ZGRF1: variants seen among roughly 807,000 people sequenced by gnomAD.
The protein encoded by ZGRF1 is zinc finger GRF-type containing 1, also known as 5'-3' DNA helicase ZGRF1.
A neutral mutation model predicts 203.5 loss-of-function variants in ZGRF1; 196 were observed. The observed-to-expected ratio is 0.96, with a 90% CI of 0.86 to 1.08. ZGRF1 has a LOEUF of 1.08. ZGRF1 is among the 50% of genes least tolerant of loss of function. The pLI is 0.00. For missense variants in ZGRF1, 2,326 were observed against 2,416.3 expected, an observed-to-expected ratio of 0.96 and a Z score of 0.78; for synonymous variants, 809 against 841.3, an observed-to-expected ratio of 0.96 and a Z score of 0.66.
At chr4:112,631,671 C>T (rs933407225) in intron 3 of ZGRF1, among the ~76,000 whole-genome samples, 8 of 150,990 alleles carry the variant, frequency 5.3e-5, no homozygotes, top group Non-Finnish European at 7.4e-5. Flanking sequence ...GACTCTGTCT[C>T]AAAAAAAATA....
At chr4:112,571,638 G>T (rs1744231861) in intron 16 of ZGRF1, among the ~76,000 whole-genome samples, 1 of 151,822 alleles carries the variant, frequency 6.6e-6, no homozygotes, top group African/African-American at 2.4e-5. Context: ...TCCTGTCTTG[G>T]CCTCCCAAAG....
intron 16 of ZGRF1, among the ~76,000 whole-genome samples, chr4:112,564,181 A>G (rs1241053861): frequency 6.6e-6 from 1 of 152,248 alleles, no homozygotes; most frequent in African/African-American, 2.4e-5. Flanking sequence ...AGTTCTAGCA[A>G]GCTGAGAAAT....
chr4:112,632,184 A>G (rs2047433252), intron 2 of ZGRF1, among the ~76,000 whole-genome samples, 174 bp from the exon 3 acceptor site: 2 of 152,282 alleles, frequency 1.3e-5, no homozygotes, highest in South Asian at 4.1e-4. Flanking sequence ...ATAGCATGAC[A>G]ATAACATTAA....
intron 9 of ZGRF1, among the ~76,000 whole-genome samples, chr4:112,604,317 A>G (rs1399082251): frequency 3.9e-5 from 6 of 152,172 alleles, no homozygotes; most frequent in Admixed American, 3.9e-4. Context: ...TAATAATAAT[A>G]GCTAATTAAA....
rs202111626 is a variant in ZGRF1, at chr4:112,587,562, C to G, written c.3495G>C (p.Lys1165Asn). 4.5e-4 allele frequency: 720 copies of G among 1,613,866 alleles called. 1 individual carries two copies. The African/African-American group carries it at 8.4e-3, about 19-fold the overall frequency. ...CAGCAAAGAAGCCATCAGTTATTCT[C>G]TTATCAACTCTGTTTGGAGTAGCCA... ...CNVATPNRVD[K>N]RITDGFFAEA... is the part of the protein sequence containing the mutation. The change falls in exon 12 of 28, where the codon AAG becomes AAC. Residue 1165 changes from lysine (K) to asparagine (N), a missense_variant. Transcript: ENST00000505019.
intron 1 of ZGRF1, among the ~76,000 whole-genome samples, chr4:112,635,325 T>G (rs1408972990): frequency 1.6e-4 from 24 of 152,086 alleles, no homozygotes; most frequent in Non-Finnish European, 1.5e-5. Flanking sequence ...CAATTATTAA[T>G]ATCAGATCTG....
At chr4:112,605,146 C>G (rs1212981498) in intron 9 of ZGRF1, among the ~76,000 whole-genome samples, 1 of 151,492 alleles carries the variant, frequency 6.6e-6, no homozygotes, top group Non-Finnish European at 1.5e-5. Flanking sequence ...CACAAGGAAA[C>G]AGGTACATTA....
intron 3 of ZGRF1, among the ~76,000 whole-genome samples, chr4:112,626,715 G>A (rs1045547404): frequency 1.1e-4 from 17 of 152,242 alleles, no homozygotes; most frequent in African/African-American, 4.1e-4. Context: ...ATCTATACTA[G>A]TAGTCAGGAA....
At chr4:112,625,751 C>T (rs2047220419) in intron 3 of ZGRF1, among the ~76,000 whole-genome samples, 1 of 151,656 alleles carries the variant, frequency 6.6e-6, no homozygotes, top group Non-Finnish European at 1.5e-5. Context: ...CAAAATTAGC[C>T]AGCCTTGGTG....
At chr4:112,630,157 T>C in intron 3 of ZGRF1, 1 of 155,518 alleles carries the variant, frequency 6.4e-6, no homozygotes, top group East Asian at 1.9e-4. Context: ...CTTGAAGGCT[T>C]AAGGCAAAAT....
chr4:112,563,687 G>T (rs577072684), intron 16 of ZGRF1, among the ~76,000 whole-genome samples: 1 of 152,310 alleles, frequency 6.6e-6, no homozygotes, highest in South Asian at 2.1e-4. Flanking sequence ...TTATTAGTCC[G>T]TTCAGGCTGC....
chr4:112,555,302 G>C (rs941529477), intron 20 of ZGRF1, among the ~76,000 whole-genome samples: 1 of 152,058 alleles, frequency 6.6e-6, no homozygotes. Context: ...TTAGGGCTTT[G>C]TGAGGAAGGA....
At chr4:112,634,075 T>C (rs1329867484) in intron 1 of ZGRF1, among the ~76,000 whole-genome samples, 1 of 152,216 alleles carries the variant, frequency 6.6e-6, no homozygotes, top group African/African-American at 2.4e-5. Context: ...GTTCCTCTTT[T>C]AGACATATAA....
chr4:112,620,964 T>C (rs1035431340), intron 4 of ZGRF1, among the ~76,000 whole-genome samples: 9 of 152,036 alleles, frequency 5.9e-5, no homozygotes, highest in African/African-American at 2.2e-4. Context: ...CCCAGGAGTT[T>C]GAGGCTGTAG....
chr4:112,595,783 A>G (rs984940280), intron 10 of ZGRF1, among the ~76,000 whole-genome samples: 5 of 152,208 alleles, frequency 3.3e-5, no homozygotes, highest in Non-Finnish European at 5.9e-5. Flanking sequence ...GGTTTTCACC[A>G]CAATAAATAT....
intron 16 of ZGRF1, among the ~76,000 whole-genome samples, chr4:112,569,751 C>T (rs376494558): frequency 3.0e-4 from 45 of 152,098 alleles, no homozygotes; most frequent in Non-Finnish European, 5.4e-4. Flanking sequence ...ATTCAACTAT[C>T]GGGCTTATTC....
intron 3 of ZGRF1, among the ~76,000 whole-genome samples, chr4:112,630,496 C>G (rs1207747943): frequency 2.0e-5 from 3 of 151,530 alleles, no homozygotes; most frequent in Admixed American, 2.0e-4. Context: ...CCAGCCTGGG[C>G]GACAAGAGCA....
intron 4 of ZGRF1, among the ~76,000 whole-genome samples, chr4:112,621,426 GA>G (rs2047055036): frequency 6.6e-6 from 1 of 151,944 alleles, no homozygotes; most frequent in South Asian, 2.1e-4. Flanking sequence ...GAGGTGGGCG[GA>G]TCACCTGAGG....
intron 3 of ZGRF1, chr4:112,629,713 T>C (rs538424116): frequency 1.3e-5 from 2 of 152,540 alleles, no homozygotes; most frequent in Non-Finnish European, 2.9e-5. Context: ...ATTTGTGTTA[T>C]TTTTAATTTT....
Sources: allele counts gnomAD v4.1 joint callset (sites outside exome capture counted in the v4.1 genomes callset), GRCh38; gene constraint gnomAD v4.1.1; transcripts MANE v1.5; gene names NCBI Gene and HGNC (gene_info 2026-07-23, HGNC 2026-07-21).